The following ICE2 variants were observed in gnomAD, a reference collection of about 807,000 sequenced individuals.
The protein encoded by ICE2 is little elongation complex subunit 2.
Under a neutral mutation model 105.4 loss-of-function variants are expected in ICE2, and 87 were observed. That is an observed-to-expected ratio of 0.83 (90% CI 0.69 to 0.99). The LOEUF is 0.99. Ranked by LOEUF, ICE2 falls within the 50% of genes least tolerant of loss-of-function variation. ICE2 has a pLI of 0.00. For missense variants in ICE2, 1,323 were observed against 1,146.7 expected (o/e 1.15, Z -2.22); for synonymous variants, 399 against 392.0 (o/e 1.02, Z -0.21).
chr15:60,462,936 T>C (rs79100579), intron 5 of ICE2, among the ~76,000 whole-genome samples: 2,637 of 152,332 alleles, frequency 0.017, 82 homozygotes, highest in African/African-American at 0.059. Context: ...TCCCAACTTA[T>C]GAAGGTTCCA....
intron 15 of ICE2, among the ~76,000 whole-genome samples, chr15:60,424,304 T>C (rs1398399796): frequency 6.8e-6 from 1 of 147,384 alleles, no homozygotes; most frequent in Admixed American, 6.7e-5. Context: ...AGTAAAAGTG[T>C]AAGGAAGTTT....
At chr15:60,474,248 C>T (rs1288400328) in intron 3 of ICE2, among the ~76,000 whole-genome samples, 2 of 152,016 alleles carry the variant, frequency 1.3e-5, no homozygotes, top group African/African-American at 2.4e-5. Flanking sequence ...TAAACTTACA[C>T]ATTCATTTGA....
intron 6 of ICE2, 46 bp downstream of exon 6, chr15:60,456,599 ACACACACACACT>A (rs1595792934): frequency 5.0e-5 from 33 of 658,380 alleles, no homozygotes; most frequent in Non-Finnish European, 6.9e-5. Flanking sequence ...ACACACACAC[ACACACACACACT>A]ATTTCAGACA....
chr15:60,440,295 C>T (rs1397711375), intron 12 of ICE2: 3 of 152,202 alleles, frequency 2.0e-5, no homozygotes, highest in African/African-American at 4.8e-5. Context: ...CTTATTGAAA[C>T]TGTGTGCTAA....
chr15:60,421,967 A>G lies in ICE2; in HGVS notation c.*1667T>C, dbSNP rs1326147884. 1.3e-5 allele frequency: 2 copies of G among 149,808 alleles called. No homozygotes were observed. Among genetic ancestry groups the G allele is most frequent in the Non-Finnish European group, 3.0e-5 (2 of 67,556 alleles). 9.3% of individuals were successfully genotyped at this position (149,808 alleles called of 1,614,324 possible). A position where few individuals can be genotyped will look rare whatever the true frequency, so the allele number is the denominator to read the frequency against. On this transcript the variant is annotated 3_prime_UTR_variant, in exon 16 of 16. Coordinates refer to ENST00000261520, the MANE Select transcript of ICE2 (RefSeq NM_024611.6). ...AATACTTGAGGAGATTTTTCGGTCT[A>G]ATTTCTCAGAAATTAGGCCAAAAGA...
intron 3 of ICE2, among the ~76,000 whole-genome samples, chr15:60,473,548 C>T (rs974754666): frequency 4.6e-5 from 7 of 152,136 alleles, no homozygotes; most frequent in African/African-American, 1.7e-4. Context: ...CTGCTCTGGC[C>T]TCCTAAAGGG....
At chr15:60,439,252 A>G (rs2063666097) in intron 12 of ICE2, 4 of 152,228 alleles carry the variant, frequency 2.6e-5, no homozygotes, top group African/African-American at 7.2e-5. Flanking sequence ...GAACAGTAAA[A>G]TATTTTAGTA....
In ICE2 at chr15:60,419,730, A is replaced by G. The variant is rs113886027; in HGVS notation, c.*3904T>C. On this transcript the variant is annotated 3_prime_UTR_variant, in exon 16 of 16. Transcript: ENST00000261520. ...ACATACCAAACAAAAAAACAGAACA[A>G]AACAAAATACTACTATATACCTATA... 4 of 136,306 alleles carry G rather than the reference A, an allele frequency of 2.9e-5. No homozygotes were observed. The highest frequency in any genetic ancestry group is 1.1e-4 in the African/African-American group (4 of 35,338). The allele number at this position is 136,306 out of a possible 1,614,324, so 8.4% of individuals were successfully genotyped here.
Position 60,428,605 on chromosome 15 carries a change from T to C in ICE2, c.2644A>G (p.Thr882Ala). The C allele has an allele frequency of 6.2e-7, 1 of 1,614,158 alleles. No homozygotes were observed. The highest frequency in any genetic ancestry group is 8.5e-7 in the Non-Finnish European group (1 of 1,180,018). Residue 882 changes from threonine to alanine, a missense_variant, in exon 15 of 16, where the codon ACT becomes GCT. By Grantham distance (58) the Thr-to-Ala change is moderately conservative. Coordinates refer to ENST00000261520, the MANE Select transcript of ICE2 (RefSeq NM_024611.6). ...TTATACAAATTGTATGCTGTCCTAG[T>C]AACTTTTCCATCAGAGGCCTTATAA... ...LIYKASDGKV[T>A]RTAYNLYKTH...
rs1566987114 is a variant in ICE2 at position 60,449,580 on chromosome 15, G to T, written c.1387C>A (p.Gln463Lys). The T allele has an allele frequency of 8.1e-6, 13 of 1,614,142 alleles. No individual in the cohort carries two copies. Among genetic ancestry groups the T allele is most frequent in the East Asian group, 2.2e-5 (1 of 44,880 alleles). The change falls in exon 10 of 16, where the codon CAA (glutamine) becomes AAA (lysine). Residue 463 changes from glutamine to lysine, a missense_variant. Gln to Lys is a moderately conservative substitution (Grantham distance 53, BLOSUM62 1). Coordinates refer to ENST00000261520, the MANE Select transcript of ICE2 (RefSeq NM_024611.6). Reference sequence around the variant, plus strand: ...ACCAGCTGTTTCTCCTTTTGCAATTGTTCCATCAGAATCTGAGATAAACTT... The same window carrying T: ...ACCAGCTGTTTCTCCTTTTGCAATTTTTCCATCAGAATCTGAGATAAACTT... ...SRSLSQILME[Q>K]LQKEKQLVTG...
At chr15:60,452,324 T>A in intron 9 of ICE2, 1 of 864,014 alleles carries the variant, frequency 1.2e-6, no homozygotes, top group South Asian at 5.4e-5. Context: ...TTTTATATTT[T>A]AAAATTTTGT....
At chr15:60,440,020 A>G (rs2063685342) in intron 12 of ICE2, 1 of 152,138 alleles carries the variant, frequency 6.6e-6, no homozygotes, top group African/African-American at 2.4e-5. Context: ...AATTCTTTTG[A>G]TTATCTACTT....
intron 3 of ICE2, among the ~76,000 whole-genome samples, chr15:60,474,995 T>C (rs2064717712): frequency 6.6e-6 from 1 of 151,806 alleles, no homozygotes; most frequent in African/African-American, 2.4e-5. Context: ...TCAAGATGAC[T>C]GAAAATGGGA....
At position 60,428,579 on chromosome 15, in the gene ICE2, T is replaced by C. The variant is rs778100550; in HGVS notation, c.2670A>G (p.Lys890=). The C allele has an allele frequency of 6.2e-7, 1 of 1,614,138 alleles. No homozygotes were observed. The part of the protein sequence containing the change: ...KVTRTAYNLY[K]THCGLPGVPS... ...GTACACCAGGAAGGCCGCAATGTGT[T>C]TTATACAAATTGTATGCTGTCCTAG... The change falls in exon 15 of 16, where the codon AAA becomes AAG. Residue 890 remains lysine (K), a synonymous_variant. Transcript: ENST00000261520.
intron 11 of ICE2, 173 bp from the exon 12 acceptor site, chr15:60,442,718 G>C (rs565047314): frequency 1.0e-4 from 48 of 478,246 alleles, no homozygotes; most frequent in Non-Finnish European, 1.7e-4. Flanking sequence ...CTGATGAATA[G>C]AAGAATGTTT....
At chr15:60,459,418 A>G (rs1026609020) in intron 5 of ICE2, among the ~76,000 whole-genome samples, 6 of 152,222 alleles carry the variant, frequency 3.9e-5, no homozygotes, top group African/African-American at 1.2e-4. Flanking sequence ...ATGAAATACA[A>G]TGATCTTACT....
intron 5 of ICE2, among the ~76,000 whole-genome samples, chr15:60,459,028 G>A (rs2064202111): frequency 6.6e-6 from 1 of 152,168 alleles, no homozygotes; most frequent in African/African-American, 2.4e-5. Flanking sequence ...TCTGGAGATG[G>A]ATGGTGGTGA....
intron 5 of ICE2, among the ~76,000 whole-genome samples, chr15:60,463,882 T>C (rs2064348079): frequency 6.6e-6 from 1 of 152,312 alleles, no homozygotes; most frequent in South Asian, 2.1e-4. Flanking sequence ...GCTGGGACAC[T>C]GATTATTCAC....
chr15:60,474,578 C>G (rs962320796), intron 3 of ICE2, among the ~76,000 whole-genome samples: 1 of 152,078 alleles, frequency 6.6e-6, no homozygotes, highest in Non-Finnish European at 1.5e-5. Context: ...GTTTTTAAAT[C>G]CATTCTGCCA....
Sources: gnomAD v4.1 joint callset for allele counts (sites outside exome capture counted in the v4.1 genomes callset) on GRCh38, gnomAD v4.1.1 for gene constraint, MANE v1.5 for transcripts, NCBI Gene and HGNC (gene_info 2026-07-23, HGNC 2026-07-21) for gene names.